ASTN1: variants seen among roughly 807,000 people sequenced by gnomAD.
The protein encoded by ASTN1 is astrotactin 1.
ASTN1 carries 41 observed loss-of-function variants against 140.7 expected under a neutral mutation model. The observed-to-expected ratio is 0.29, with a 90% confidence interval of 0.23 to 0.38. The LOEUF (loss-of-function observed/expected upper bound fraction) is 0.38, where lower values mean the gene tolerates loss of function less well. Ranked by LOEUF, ASTN1 falls within the 10% of genes least tolerant of loss-of-function variation. The pLI is 1.00. For missense variants in ASTN1, 1,479 were observed against 1,678.8 expected, an observed-to-expected ratio of 0.88 and a Z score of 2.08; for synonymous variants, 640 against 652.2, an observed-to-expected ratio of 0.98 and a Z score of 0.29.
At chr1:177,091,893 T>C (rs1177947317) in intron 1 of ASTN1, among the ~76,000 whole-genome samples, 1 of 152,178 alleles carries the variant, frequency 6.6e-6, no homozygotes, top group Non-Finnish European at 1.5e-5. Context: ...TAATAATACA[T>C]TGTGTTGATA....
At chr1:177,050,481 C>T (rs1377808312) in intron 2 of ASTN1, among the ~76,000 whole-genome samples, 1 of 152,114 alleles carries the variant, frequency 6.6e-6, no homozygotes, top group Non-Finnish European at 1.5e-5. Context: ...TCATCCTTTG[C>T]TATTCAGGGA....
intron 16 of ASTN1, among the ~76,000 whole-genome samples, chr1:176,902,702 G>C (rs1669820556): frequency 6.6e-6 from 1 of 152,208 alleles, no homozygotes; most frequent in Non-Finnish European, 1.5e-5. Context: ...GAAATGATGG[G>C]ATAGTAGAAT....
intron 1 of ASTN1, among the ~76,000 whole-genome samples, chr1:177,062,445 A>G (rs1678146057): frequency 6.7e-6 from 1 of 149,500 alleles, no homozygotes; most frequent in Non-Finnish European, 1.5e-5. Flanking sequence ...GGATCTCCAT[A>G]TGTTGCCCAG....
intron 16 of ASTN1, among the ~76,000 whole-genome samples, chr1:176,916,545 C>T (rs545618279): frequency 3.9e-5 from 6 of 152,240 alleles, no homozygotes; most frequent in African/African-American, 9.6e-5. Context: ...GAGATTTCCA[C>T]GAGTGTGCAC....
chr1:176,940,357 A>G (rs986016796), intron 14 of ASTN1, among the ~76,000 whole-genome samples: 3 of 152,196 alleles, frequency 2.0e-5, no homozygotes, highest in African/African-American at 7.2e-5. Flanking sequence ...AATAACCACT[A>G]TAACAATTGA....
chr1:177,097,422 G>A lies in ASTN1; in HGVS notation c.284-36157C>T, dbSNP rs371081405. ...ACCCGATTTAAACTCCAGTCCCACC[G>A]TCTATTGACTATATGTCTCTATGCA... On this transcript the variant is annotated intron_variant, in intron 1 of 22. Coordinates refer to ENST00000361833, the MANE Select transcript of ASTN1 (RefSeq NM_004319.3). 5.1e-4 allele frequency among the ~76,000 whole-genome samples: 78 copies of A among 152,184 alleles called. 1 individual carries two copies. In the South Asian group the frequency reaches 0.016, roughly 31 times the overall value.
At chr1:176,946,983 A>C (rs1671986479) in intron 12 of ASTN1, among the ~76,000 whole-genome samples, 1 of 152,260 alleles carries the variant, frequency 6.6e-6, no homozygotes. Context: ...CATAAACCAA[A>C]TTTAGAATTT....
At chr1:177,159,483 T>C (rs1192613346) in intron 1 of ASTN1, among the ~76,000 whole-genome samples, 1 of 152,216 alleles carries the variant, frequency 6.6e-6, no homozygotes, top group Non-Finnish European at 1.5e-5. Flanking sequence ...GTGAAAAGAA[T>C]TGGGGATACC....
intron 1 of ASTN1, among the ~76,000 whole-genome samples, chr1:177,156,388 G>T (rs1683238528): frequency 6.6e-6 from 1 of 151,940 alleles, no homozygotes; most frequent in Admixed American, 6.6e-5. Flanking sequence ...GTGACAGGAA[G>T]TAAAAAGGTG....
At chr1:176,952,856 A>C (rs2103121838) in intron 11 of ASTN1, among the ~76,000 whole-genome samples, 1 of 152,200 alleles carries the variant, frequency 6.6e-6, no homozygotes, top group African/African-American at 2.4e-5. Flanking sequence ...ATCAGGAGAG[A>C]CCCCCAAGGT....
chr1:176,938,007 AG>A (rs1671521587), intron 14 of ASTN1, among the ~76,000 whole-genome samples: 1 of 152,232 alleles, frequency 6.6e-6, no homozygotes, highest in East Asian at 1.9e-4. Flanking sequence ...TAAGGCAAAA[AG>A]AAAAAAGGTC....
chr1:176,939,262 T>C (rs1671583378), intron 14 of ASTN1, among the ~76,000 whole-genome samples: 1 of 152,354 alleles, frequency 6.6e-6, no homozygotes, highest in East Asian at 1.9e-4. Context: ...ATTGGTGCTT[T>C]TGTTATAACT....
intron 1 of ASTN1, among the ~76,000 whole-genome samples, chr1:177,089,639 G>A (rs1011447509): frequency 3.3e-5 from 5 of 152,032 alleles, no homozygotes; most frequent in African/African-American, 4.8e-5. Context: ...ATGAAGGGCT[G>A]TTTTGTCTTT....
intron 20 of ASTN1, among the ~76,000 whole-genome samples, chr1:176,877,710 A>T (rs1175705544): frequency 1.3e-5 from 2 of 152,164 alleles, no homozygotes; most frequent in Non-Finnish European, 2.9e-5. Flanking sequence ...GGTCTAAAGA[A>T]AATCATTAAT....
intron 8 of ASTN1, among the ~76,000 whole-genome samples, chr1:176,978,614 A>T (rs997002318): frequency 1.3e-5 from 2 of 152,152 alleles, no homozygotes; most frequent in African/African-American, 4.8e-5. Context: ...CCAGAGGATG[A>T]TTTTATGTGT....
chr1:177,061,275 G>A lies in ASTN1; in HGVS notation c.284-10C>T. On this transcript the variant is annotated splice_polypyrimidine_tract_variant and intron_variant, in intron 1 of 22. Coordinates refer to ENST00000361833, the MANE Select transcript of ASTN1 (RefSeq NM_004319.3). ...GTGTTCCCTGAGATCTCTAGAAGAT[G>A]AACACCAAAGGCACAGGTGAGAATT... The A allele has an allele frequency of 6.7e-7, 1 of 1,501,828 alleles. No individual in the cohort carries two copies. Among genetic ancestry groups the A allele is most frequent in the Non-Finnish European group, 8.9e-7 (1 of 1,120,802 alleles). 93.0% of individuals were successfully genotyped at this position (1,501,828 alleles called of 1,614,324 possible).
rs1452361808 is a variant in ASTN1 at position 176,888,197 on chromosome 1, T to C, written c.2948A>G (p.Gln983Arg). The change falls in exon 18 of 23, where the codon CAG becomes CGG. Residue 983 changes from glutamine to arginine, a missense_variant. Gln to Arg is a conservative substitution (Grantham distance 43, BLOSUM62 1). Around this residue, in one of 3 missense-constraint regions of ASTN1, gnomAD observed 746 missense variants for 800.9 expected, o/e 0.93. Coordinates refer to ENST00000361833, the MANE Select transcript of ASTN1 (RefSeq NM_004319.3). ...VTNNQTQRLL[Q>R]EATMSSLWCS... ...CCAGAGAGAGCTCATGGTAGCCTCCTGCAAGAGCTGCATAAGAGAACAGGG... is the reference window on the plus strand; with the variant it reads ...CCAGAGAGAGCTCATGGTAGCCTCCCGCAAGAGCTGCATAAGAGAACAGGG... 1 of 1,613,912 alleles carries C rather than the reference T, an allele frequency of 6.2e-7. No homozygotes were observed. The highest frequency in any genetic ancestry group is 1.7e-4 in the Middle Eastern group (1 of 6,006).
chr1:177,076,550 C>T (rs924816143), intron 1 of ASTN1, among the ~76,000 whole-genome samples: 3 of 149,180 alleles, frequency 2.0e-5, no homozygotes, highest in African/African-American at 7.4e-5. Context: ...GAGATGGAGT[C>T]TCACTTCATC....
At chr1:177,049,921 T>A (rs1270913299) in intron 2 of ASTN1, among the ~76,000 whole-genome samples, 1 of 152,152 alleles carries the variant, frequency 6.6e-6, no homozygotes, top group African/African-American at 2.4e-5. Flanking sequence ...CTGGGGATGG[T>A]CACAGCCAGC....
Sources: gnomAD v4.1 joint callset for allele counts (sites outside exome capture counted in the v4.1 genomes callset) on GRCh38, gnomAD v4.1.1 for gene constraint, gnomAD v4.1.1 regional missense constraint, MANE v1.5 for transcripts, NCBI Gene and HGNC (gene_info 2026-07-23, HGNC 2026-07-21) for gene names.